The following SIDT1 variants were observed in gnomAD, a reference collection of about 807,000 sequenced individuals.
The protein encoded by SIDT1 is SID1 transmembrane family, member 1.
SIDT1 carries 101 observed loss-of-function variants against 107.5 expected under a neutral mutation model. The ratio of observed to expected loss-of-function variants is 0.94; its 90% CI spans 0.80 to 1.11. The LOEUF is 1.11. Ranked by LOEUF, SIDT1 falls within the 50% of genes least tolerant of loss-of-function variation. The probability of loss-of-function intolerance (pLI) is 0.00; values close to 1 mark genes in which losing one functional copy is unlikely to be tolerated. For missense variants in SIDT1, 1,076 were observed against 1,058.2 expected (o/e 1.02, Z -0.23); for synonymous variants, 395 against 398.2 (o/e 0.99, Z 0.10).
rs1942047474 is a variant in SIDT1 at position 113,567,664 on chromosome 3, G to T, written c.469G>T (p.Ala157Ser). The stretch of plus-strand genomic sequence containing the variant: ...TGTCGCATCCATGGCACCCCTGGGT[G>T]CTCAGTACAAACTGCTAGTTACCAA... ...VDVASMAPLG[A>S]QYKLLVTKLK... Residue 157 changes from alanine (A) to serine (S), a missense_variant, in exon 3 of 25, where the codon GCT becomes TCT. By Grantham distance (99) the Ala-to-Ser change is moderately conservative. Transcript: ENST00000264852. 1.9e-6 allele frequency: 3 copies of T among 1,614,136 alleles called. No individual in the cohort carries two copies. Among genetic ancestry groups the T allele is most frequent in the Non-Finnish European group, 2.5e-6 (3 of 1,180,014 alleles).
intron 22 of SIDT1, 36 bp from the exon 23 acceptor site, chr3:113,623,587 G>A (rs1263110789): frequency 6.9e-6 from 11 of 1,599,282 alleles, no homozygotes; most frequent in Non-Finnish European, 8.6e-6. Context: ...GCGAAGGCGG[G>A]GTCGCGTGAG....
At chr3:113,585,408 C>T (rs1237204078) in intron 9 of SIDT1, 138 bp downstream of exon 9, 7 of 673,266 alleles carry the variant, frequency 1.0e-5, no homozygotes, top group Non-Finnish European at 1.8e-5. Context: ...TACCTTGTGA[C>T]CTTGGAGATG....
Position 113,585,217 on chromosome 3 carries a change from C to T in SIDT1, c.948C>T (p.Ile316=), listed in dbSNP as rs1943655074. ...YVKSSLFSVF[I]FLSFYLGCLL... Reference sequence around the variant, plus strand: ...AATCCAGTCTTTTCAGTGTCTTCATCTTCCTGTCCTTCTACTTGGGATGCC... The same window carrying T: ...AATCCAGTCTTTTCAGTGTCTTCATTTTCCTGTCCTTCTACTTGGGATGCC... Residue 316 remains isoleucine (I), a synonymous_variant, in exon 9 of 25, where the codon ATC becomes ATT. Transcript: ENST00000264852. The T allele has an allele frequency of 6.2e-7, 1 of 1,613,704 alleles. No homozygotes were observed. The highest frequency in any genetic ancestry group is 2.2e-5 in the East Asian group (1 of 44,874).
At chr3:113,556,300 T>A (rs189698921) in intron 1 of SIDT1, among the ~76,000 whole-genome samples, 1,932 of 152,324 alleles carry the variant, frequency 0.013, 44 homozygotes, top group African/African-American at 0.044. Context: ...TATCTTTTTT[T>A]AAAAAGTGTA....
chr3:113,586,318 G>T (rs1943742080), intron 9 of SIDT1, among the ~76,000 whole-genome samples: 1 of 152,104 alleles, frequency 6.6e-6, no homozygotes, highest in Non-Finnish European at 1.5e-5. Flanking sequence ...GGAAGGAAGG[G>T]CCTAAACACC....
In SIDT1 at chr3:113,608,527, T is replaced by C; in HGVS notation, c.1711T>C (p.Phe571Leu). The change falls in exon 17 of 25, where the codon TTC becomes CTC. Residue 571 changes from phenylalanine (F) to leucine (L), a missense_variant. Transcript: ENST00000264852. ...CCATGTCTGCCCTAATTATTCCAACTTCCAATTCGGTAATTAGAACTTATA... is the reference window on the plus strand; with the variant it reads ...CCATGTCTGCCCTAATTATTCCAACCTCCAATTCGGTAATTAGAACTTATA... ...CYHVCPNYSN[F>L]QFDTSFMYMI... The C allele has an allele frequency of 6.2e-7, 1 of 1,604,190 alleles. No individual in the cohort carries two copies. Among genetic ancestry groups the C allele is most frequent in the South Asian group, 1.1e-5 (1 of 90,880 alleles).
intron 5 of SIDT1, 23 bp downstream of exon 5, chr3:113,580,732 C>T: frequency 7.2e-7 from 1 of 1,384,226 alleles, no homozygotes; most frequent in East Asian, 2.3e-5. Flanking sequence ...AACTTGCCAA[C>T]CTTCTACTAT....
intron 20 of SIDT1, among the ~76,000 whole-genome samples, chr3:113,616,658 TTAAAA>T (rs1946128608): frequency 6.6e-6 from 1 of 152,018 alleles, no homozygotes; most frequent in Non-Finnish European, 1.5e-5. Flanking sequence ...AACCCTGAGC[TTAAAA>T]TAAAATTTGG....
intron 3 of SIDT1, among the ~76,000 whole-genome samples, chr3:113,569,793 G>A (rs1356811452): frequency 1.3e-5 from 2 of 152,180 alleles, no homozygotes; most frequent in African/African-American, 2.4e-5. Flanking sequence ...GAGGCTGTAG[G>A]GGAGAGGTTT....
chr3:113,627,804 C>CTACAGAGGGTGAGTGGAG lies in SIDT1; in HGVS notation c.*96_*97insTACAGAGGGTGAGTGGAG. 8.8e-7 allele frequency: 1 copy of CTACAGAGGGTGAGTGGAG among 1,131,504 alleles called. No homozygotes were observed. Among genetic ancestry groups the CTACAGAGGGTGAGTGGAG allele is most frequent in the Non-Finnish European group, 1.3e-6 (1 of 750,468 alleles). 70.1% of individuals were successfully genotyped at this position (1,131,504 alleles called of 1,614,324 possible). A position where few individuals can be genotyped will look rare whatever the true frequency, so the allele number is the denominator to read the frequency against. On this transcript the variant is annotated 3_prime_UTR_variant, in exon 25 of 25. Coordinates refer to ENST00000264852, the MANE Select transcript of SIDT1 (RefSeq NM_017699.3). Reference sequence around the variant, plus strand: ...AGCAAAGTAACCACTGCCAGATGCTCCACTCACCCTCTGTAGAGCCAACTC... The same window carrying CTACAGAGGGTGAGTGGAG: ...AGCAAAGTAACCACTGCCAGATGCTCTACAGAGGGTGAGTGGAGCACTCACCCTCTGTAGAGCCAACTC...
At chr3:113,604,837 T>G in intron 13 of SIDT1, 73 bp from the exon 14 acceptor site, 1 of 1,556,924 alleles carries the variant, frequency 6.4e-7, no homozygotes, top group South Asian at 1.1e-5. Flanking sequence ...GGAAGCATTC[T>G]TTTAAAAATA....
At chr3:113,625,860 G>T in intron 23 of SIDT1, 1 of 417,308 alleles carries the variant, frequency 2.4e-6, no homozygotes, top group African/African-American at 2.1e-5. Context: ...CACTTTGTTC[G>T]TCATTTCCTT....
intron 23 of SIDT1, 31 bp downstream of exon 23, chr3:113,623,764 A>G (rs971763056): frequency 6.8e-7 from 1 of 1,475,986 alleles, no homozygotes; most frequent in African/African-American, 1.4e-5. Context: ...TCCAAAAACA[A>G]CCTCTCTCTC....
At position 113,533,057 on chromosome 3, in the gene SIDT1, G is replaced by A. The variant is rs781463302; in HGVS notation, c.36G>A (p.Ala12=). 530 of 1,459,628 alleles carry A rather than the reference G, an allele frequency of 3.6e-4. 1 individual carries two copies. The highest frequency in any genetic ancestry group is 3.1e-4 in the Admixed American group (12 of 39,178). 90.4% of individuals were successfully genotyped at this position (1,459,628 alleles called of 1,614,324 possible). ...RGCLRLALLC[A]LPWLLLAASP... ...GCCTGCGGCTCGCGCTGCTCTGCGC[G>A]CTGCCCTGGCTCCTGCTGGCGGCGT... The change falls in exon 1 of 25, where the codon GCG becomes GCA. Residue 12 remains alanine (A), a synonymous_variant. Coordinates refer to ENST00000264852, the MANE Select transcript of SIDT1 (RefSeq NM_017699.3).
chr3:113,581,242 G>C, intron 5 of SIDT1, 119 bp from the exon 6 acceptor site: 1 of 805,084 alleles, frequency 1.2e-6, no homozygotes, highest in Non-Finnish European at 2.1e-6. Flanking sequence ...CTAGTTTCTG[G>C]TTAATAAGGA....
intron 5 of SIDT1, 149 bp from the exon 6 acceptor site, chr3:113,581,212 T>G (rs1943308106): frequency 3.0e-6 from 2 of 660,942 alleles, no homozygotes; most frequent in Non-Finnish European, 5.4e-6. Context: ...ATGTCATGAC[T>G]GTTCAAGGGG....
chr3:113,596,795 C>T (rs1944587786), intron 10 of SIDT1, among the ~76,000 whole-genome samples: 1 of 152,180 alleles, frequency 6.6e-6, no homozygotes, highest in African/African-American at 2.4e-5. Context: ...CCTTGAGTTG[C>T]CACCAGGAAC....
At chr3:113,595,230 TC>T (rs1560093987) in intron 10 of SIDT1, among the ~76,000 whole-genome samples, 1 of 152,152 alleles carries the variant, frequency 6.6e-6, no homozygotes, top group Non-Finnish European at 1.5e-5. Context: ...ATAGCATCCT[TC>T]ACTTCCGTGC....
At chr3:113,543,026 G>A (rs1010224750) in intron 1 of SIDT1, among the ~76,000 whole-genome samples, 1 of 151,340 alleles carries the variant, frequency 6.6e-6, no homozygotes, top group Admixed American at 6.6e-5. Context: ...ACTGCAACTC[G>A]ACCTCCCAGG....
Sources: allele counts gnomAD v4.1 joint callset (sites outside exome capture counted in the v4.1 genomes callset), GRCh38; gene constraint gnomAD v4.1.1; transcripts MANE v1.5; gene names NCBI Gene and HGNC (gene_info 2026-07-23, HGNC 2026-07-21).